MSANTD2: variants seen among roughly 807,000 people sequenced by gnomAD.
MSANTD2 encodes Myb/SANT DNA binding domain containing 2, also known as myb/SANT-like DNA-binding domain-containing protein 2.
MSANTD2 carries 19 observed loss-of-function variants against 52.6 expected under a neutral mutation model. The observed-to-expected ratio is 0.36, with a 90% CI of 0.25 to 0.53. The LOEUF (loss-of-function observed/expected upper bound fraction) is 0.53, where lower values mean the gene tolerates loss of function less well. Ranked by LOEUF, MSANTD2 falls within the 20% of genes least tolerant of loss-of-function variation. The pLI, the probability that MSANTD2 is intolerant of heterozygous loss-of-function variation, is 0.91. For missense variants in MSANTD2, 558 were observed against 716.3 expected (o/e 0.78, Z 2.52); for synonymous variants, 291 against 289.7 (o/e 1.00, Z -0.04).
intron 1 of MSANTD2, chr11:124,784,475 A>G: frequency 1.1e-6 from 1 of 878,858 alleles, no homozygotes; most frequent in Non-Finnish European, 1.3e-6. Context: ...CCATGTCTAA[A>G]AATTAAACCC....
At chr11:124,788,549 G>A (rs1167951534) in intron 1 of MSANTD2, among the ~76,000 whole-genome samples, 1 of 152,138 alleles carries the variant, frequency 6.6e-6, no homozygotes, top group East Asian at 1.9e-4. Context: ...TATTTGTACT[G>A]TTGTAAAATT....
chr11:124,797,483 C>T (rs1945531305), intron 1 of MSANTD2, among the ~76,000 whole-genome samples: 1 of 152,054 alleles, frequency 6.6e-6, no homozygotes, highest in Non-Finnish European at 1.5e-5. Flanking sequence ...GGCAACAGAG[C>T]AAAACCCTGC....
At chr11:124,769,751 C>T (rs1269846164) in intron 3 of MSANTD2, among the ~76,000 whole-genome samples, 2 of 152,198 alleles carry the variant, frequency 1.3e-5, no homozygotes, top group African/African-American at 4.8e-5. Flanking sequence ...AAAAAGAAAT[C>T]CCATGCCCAA....
At chr11:124,786,216 C>T (rs923811735) in intron 1 of MSANTD2, among the ~76,000 whole-genome samples, 1 of 151,702 alleles carries the variant, frequency 6.6e-6, no homozygotes, top group Admixed American at 6.6e-5. Flanking sequence ...AAGTGATCCT[C>T]CTGCCTGAGC....
intron 1 of MSANTD2, among the ~76,000 whole-genome samples, chr11:124,788,819 TAATATA>T (rs1945247774): frequency 6.6e-6 from 1 of 152,206 alleles, no homozygotes; most frequent in Admixed American, 6.5e-5. Flanking sequence ...AAATCATTCT[TAATATA>T]ACAATAGCAA....
At chr11:124,797,314 G>A (rs1490704850) in intron 1 of MSANTD2, among the ~76,000 whole-genome samples, 1 of 152,046 alleles carries the variant, frequency 6.6e-6, no homozygotes, top group African/African-American at 2.4e-5. Context: ...GTGAGACCCT[G>A]CTTCTAAAAA....
At position 124,800,231 on chromosome 11, in the gene MSANTD2, G is replaced by A; in HGVS notation, c.150C>T (p.Leu50=). ...CCGAGCCCGCCGCACTGCCCGGCCC[G>A]AGCGGGGAGGCACCCCGAGGCGTGG... ...DPSTPRGASP[L]GPGSAAGSGA... is the part of the protein sequence containing the mutation. Residue 50 remains leucine, a synonymous_variant, in exon 1 of 4, where the codon CTC becomes CTT. Transcript: ENST00000374979. This position sits in a 1 kb window ranked among gnomAD's most constrained non-coding sequence, Gnocchi z 4.3. The A allele has an allele frequency of 6.5e-7, 1 of 1,529,682 alleles. No homozygotes were observed. Among genetic ancestry groups the A allele is most frequent in the Non-Finnish European group, 8.8e-7 (1 of 1,142,224 alleles). The allele number at this position is 1,529,682 out of a possible 1,614,324, so 94.8% of individuals were successfully genotyped here.
rs557170800 is a variant in MSANTD2 at position 124,799,555 on chromosome 11, G to A, written c.510+316C>T. 3.4e-3 allele frequency among the ~76,000 whole-genome samples: 525 copies of A among 152,290 alleles called. 2 individuals are homozygous for A. Among genetic ancestry groups the A allele is most frequent in the African/African-American group, 0.012 (490 of 41,552 alleles). On this transcript the variant is annotated intron_variant, in intron 1 of 3. Coordinates refer to ENST00000374979, the MANE Select transcript of MSANTD2 (RefSeq NM_001308027.2). ...GGGGCCCCGGCGGTGGGGGCAAGAG[G>A]CGCCAGCGGCACGGGGACTGCCGCA...
At chr11:124,784,903 A>AT (rs1945111096) in intron 1 of MSANTD2, among the ~76,000 whole-genome samples, 3 of 152,296 alleles carry the variant, frequency 2.0e-5, no homozygotes, top group East Asian at 3.9e-4. Context: ...AAAAATATAT[A>AT]TTTTTTGCAT....
chr11:124,769,974 C>A (rs1220512359), intron 3 of MSANTD2, among the ~76,000 whole-genome samples: 1 of 152,206 alleles, frequency 6.6e-6, no homozygotes. Context: ...CTGATATGAG[C>A]CTGAAGCTGA....
chr11:124,770,937 T>C (rs1045925124), intron 3 of MSANTD2, among the ~76,000 whole-genome samples: 12 of 152,122 alleles, frequency 7.9e-5, no homozygotes, highest in Non-Finnish European at 1.0e-4. Context: ...TTTCACTATG[T>C]TGGCCAGGCT....
chr11:124,799,991 C>T lies in MSANTD2; in HGVS notation c.390G>A (p.Glu130=), dbSNP rs548368922. Residue 130 remains glutamate, a synonymous_variant, in exon 1 of 4, where the codon GAG becomes GAA. Transcript: ENST00000374979. ...RLVEARYQQL[E]GAGTVFGSKA... is the part of the protein sequence containing the mutation. ...TGCTGCCGAACACCGTGCCGGCTCC[C>T]TCCAGCTGCTGGTACCGCGCCTCCA... 34 of 1,584,498 alleles carry T rather than the reference C, an allele frequency of 2.1e-5. No homozygotes were observed. The East Asian group carries it at 7.0e-4, about 32-fold the overall frequency.
At chr11:124,782,020 T>C (rs1164310532) in intron 1 of MSANTD2, among the ~76,000 whole-genome samples, 1 of 152,216 alleles carries the variant, frequency 6.6e-6, no homozygotes. Flanking sequence ...CCTGCAGCAT[T>C]TGATACTCTT....
At position 124,790,505 on chromosome 11, in the gene MSANTD2, G is replaced by C. The variant is rs1945296378; in HGVS notation, c.510+9366C>G. On this transcript the variant is annotated intron_variant, in intron 1 of 3. Coordinates refer to ENST00000374979, the MANE Select transcript of MSANTD2 (RefSeq NM_001308027.2). ...TAAAATTCCCAGATTCTTCGAAACA[G>C]GTCCTCGGTTTTGATGTATATGAAA... 4 of 152,338 alleles carry C rather than the reference G, an allele frequency of 2.6e-5. No individual in the cohort carries two copies. In the South Asian group the frequency reaches 8.3e-4, roughly 32 times the overall value. The allele number at this position is 152,338 out of a possible 1,614,324, so 9.4% of individuals were successfully genotyped here. A position where few individuals can be genotyped will look rare whatever the true frequency, so the allele number is the denominator to read the frequency against.
intron 1 of MSANTD2, chr11:124,790,188 T>A (rs1945287240): frequency 6.6e-6 from 1 of 152,216 alleles, no homozygotes. Context: ...GTTCTTACTC[T>A]CTGGTAATAT....
intron 1 of MSANTD2, among the ~76,000 whole-genome samples, chr11:124,787,150 T>C (rs956380285): frequency 4.6e-5 from 7 of 152,208 alleles, no homozygotes; most frequent in Admixed American, 1.3e-4. Context: ...ACAAAAATGA[T>C]ACAGTCACAC....
chr11:124,775,012 T>C, intron 1 of MSANTD2, 38 bp from the exon 2 acceptor site: 1 of 1,516,500 alleles, frequency 6.6e-7, no homozygotes, highest in Non-Finnish European at 8.8e-7. Flanking sequence ...TTTAAAGCTG[T>C]ACTTCCTCTT....
intron 1 of MSANTD2, chr11:124,792,908 T>C (rs1945376416): frequency 6.6e-6 from 1 of 152,172 alleles, no homozygotes; most frequent in South Asian, 2.1e-4. Flanking sequence ...AGCCAAAAGT[T>C]AAGCTCCACA....
intron 1 of MSANTD2, chr11:124,783,778 A>C (rs1945066756): frequency 1.0e-6 from 1 of 985,254 alleles, no homozygotes. Context: ...ACTAAGAAAA[A>C]AACCCTAAAG....
Sources: allele counts gnomAD v4.1 joint callset (sites outside exome capture counted in the v4.1 genomes callset), GRCh38; gene constraint gnomAD v4.1.1; non-coding constraint Gnocchi (gnomAD v3.1); transcripts MANE v1.5; gene names NCBI Gene and HGNC (gene_info 2026-07-23, HGNC 2026-07-21).